The following IL1RAPL1 variants were observed in gnomAD, a reference collection of about 807,000 sequenced individuals.
IL1RAPL1 encodes interleukin-1 receptor accessory protein-like 1.
IL1RAPL1 carries 3 observed loss-of-function variants against 48.4 expected under a neutral mutation model. The observed-to-expected ratio is 0.06, with a 90% CI of 0.03 to 0.16. The LOEUF is 0.16. IL1RAPL1 is among the 10% of genes least tolerant of loss of function. IL1RAPL1 has a pLI of 1.00. For synonymous variants in IL1RAPL1, 185 were observed against 187.7 expected (o/e 0.99, Z 0.12); for missense variants, 349 against 530.6 (o/e 0.66, Z 3.36).
chrX:29,256,259 T>A (rs5985829), intron 2 of IL1RAPL1, among the ~76,000 whole-genome samples: 13,111 of 111,305 alleles, frequency 0.12, 784 homozygotes, highest in Non-Finnish European at 0.17. Context: ...ATTGCTTGAT[T>A]AATTAATTTA....
At chrX:29,369,740 G>A (rs1474239314) in intron 3 of IL1RAPL1, 3 of 112,072 alleles carry the variant, frequency 2.7e-5, no homozygotes, top group African/African-American at 9.7e-5. Context: ...CTTAGCTCAG[G>A]AGAAGGTGGA....
At chrX:29,837,244 T>C (rs1208254799) in intron 6 of IL1RAPL1, among the ~76,000 whole-genome samples, 1 of 76,178 alleles carries the variant, frequency 1.3e-5, no homozygotes, top group Non-Finnish European at 2.3e-5. Flanking sequence ...GCCTCAGCGA[T>C]AGAGACTGCA....
At chrX:28,861,062 A>G (rs959590764) in intron 2 of IL1RAPL1, among the ~76,000 whole-genome samples, 5 of 111,476 alleles carry the variant, frequency 4.5e-5, no homozygotes, top group Non-Finnish European at 9.4e-5. Context: ...TACTACTGAA[A>G]AAATAGATTT....
intron 5 of IL1RAPL1, among the ~76,000 whole-genome samples, chrX:29,552,221 T>A (rs1472223675): frequency 1.8e-5 from 2 of 111,604 alleles, no homozygotes; most frequent in Non-Finnish European, 3.8e-5. Context: ...TGTTGTTGGG[T>A]CATTCTCCTG....
intron 1 of IL1RAPL1, among the ~76,000 whole-genome samples, chrX:28,633,103 G>T (rs1934419035): frequency 9.0e-6 from 1 of 110,563 alleles, no homozygotes; most frequent in African/African-American, 3.3e-5. Flanking sequence ...TGGCCAGAAT[G>T]GTCTCGAACT....
In IL1RAPL1 at chrX:29,862,659, TA is replaced by T. The variant is rs202178342; in HGVS notation, c.779-54804del. 8.8e-3 allele frequency among the ~76,000 whole-genome samples: 982 copies of T among 111,601 alleles called. 14 individuals are homozygous for T. Among genetic ancestry groups the T allele is most frequent in the African/African-American group, 0.031 (940 of 30,687 alleles). ...CGCAGCCTAATTTTCATTTTATTAT[TA>T]TTTTTTTTCTTTTCGTAAAGCATCT... is the stretch of plus-strand genomic sequence containing the variant. On this transcript the variant is annotated intron_variant, in intron 6 of 10. Coordinates refer to ENST00000378993, the MANE Select transcript of IL1RAPL1 (RefSeq NM_014271.4).
At chrX:28,818,167 T>C (rs556360896) in intron 2 of IL1RAPL1, among the ~76,000 whole-genome samples, 24 of 111,112 alleles carry the variant, frequency 2.2e-4, no homozygotes, top group Middle Eastern at 4.6e-3. Flanking sequence ...ACTTTTTACC[T>C]ATTTGGAACT....
rs910792201 is a variant in IL1RAPL1 at position 29,113,625 on chromosome X, G to A, written c.83-169313G>A. 2.7e-5 allele frequency among the ~76,000 whole-genome samples: 3 copies of A among 111,545 alleles called. No homozygotes were observed. The Admixed American group carries it at 2.9e-4, about 11-fold the overall frequency. On this transcript the variant is annotated intron_variant, in intron 2 of 10. Coordinates refer to ENST00000378993, the MANE Select transcript of IL1RAPL1 (RefSeq NM_014271.4). ...ATCACTTTTGTTGGATTTATTCCTA[G>A]AGATTCTGCTTTTTTGCTACTATTA...
intron 5 of IL1RAPL1, among the ~76,000 whole-genome samples, chrX:29,505,343 G>A (rs1453228502): frequency 1.8e-5 from 2 of 109,947 alleles, no homozygotes; most frequent in Non-Finnish European, 3.8e-5. Context: ...TTTACCAGTG[G>A]GTTTTACACC....
At chrX:28,592,212 C>G (rs920464547) in intron 1 of IL1RAPL1, among the ~76,000 whole-genome samples, 5 of 111,590 alleles carry the variant, frequency 4.5e-5, no homozygotes, top group Admixed American at 2.9e-4. Context: ...ACAGTGGTAA[C>G]TAAGGGTTTT....
At chrX:29,643,211 C>T (rs1192483694) in intron 5 of IL1RAPL1, among the ~76,000 whole-genome samples, 1 of 111,984 alleles carries the variant, frequency 8.9e-6, no homozygotes, top group Non-Finnish European at 1.9e-5. Context: ...AAAATGGCTT[C>T]AAAGTCACAC....
chrX:29,779,187 A>G (rs1015791989), intron 6 of IL1RAPL1, among the ~76,000 whole-genome samples: 1 of 111,842 alleles, frequency 8.9e-6, no homozygotes, highest in Non-Finnish European at 1.9e-5. Context: ...GATGTCTACA[A>G]ATGTCCAAAT....
chrX:29,129,290 G>C (rs939509614), intron 2 of IL1RAPL1, among the ~76,000 whole-genome samples: 65 of 110,932 alleles, frequency 5.9e-4, no homozygotes, highest in Non-Finnish European at 8.9e-4. Flanking sequence ...TGATCCCCCT[G>C]CCTCGGCCTC....
chrX:29,121,573 C>A (rs1156297671), intron 2 of IL1RAPL1, among the ~76,000 whole-genome samples: 1 of 110,811 alleles, frequency 9.0e-6, no homozygotes, highest in African/African-American at 3.3e-5. Flanking sequence ...TGCAGAAAAC[C>A]CTAAAGAATT....
At chrX:29,506,472 ATTC>A (rs753745778) in intron 5 of IL1RAPL1, among the ~76,000 whole-genome samples, 67 of 50,573 alleles carry the variant, frequency 1.3e-3, no homozygotes, top group African/African-American at 5.2e-3. Context: ...CCTCCTTCTC[ATTC>A]TTCTTCTTCT....
chrX:29,926,683 G>A (rs941517013), intron 8 of IL1RAPL1, among the ~76,000 whole-genome samples: 4 of 111,346 alleles, frequency 3.6e-5, no homozygotes, highest in Admixed American at 2.9e-4. Flanking sequence ...ATTCTTTGTC[G>A]TTGTGGGGGC....
rs757555760 is a variant in IL1RAPL1 at position 29,885,144 on chromosome X, G to T, written c.779-32320G>T. ...ACATGCCAAGCACACTTCCTTCTTA[G>T]ACCTTTGTACTCACTGCCTGCAATG... On this transcript the variant is annotated intron_variant, in intron 6 of 10. Coordinates refer to ENST00000378993, the MANE Select transcript of IL1RAPL1 (RefSeq NM_014271.4). Among the ~76,000 whole-genome samples the T allele has an allele frequency of 9.9e-5, 11 of 111,452 alleles. No homozygotes were observed. The South Asian group carries it at 4.1e-3, about 42-fold the overall frequency.
At chrX:28,991,204 G>A (rs770680132) in intron 2 of IL1RAPL1, among the ~76,000 whole-genome samples, 8 of 111,755 alleles carry the variant, frequency 7.2e-5, no homozygotes, top group Admixed American at 1.9e-4. Flanking sequence ...TTGTGTTTGT[G>A]TATGAGAGCA....
intron 5 of IL1RAPL1, among the ~76,000 whole-genome samples, chrX:29,640,969 A>G (rs1221190177): frequency 9.1e-6 from 1 of 109,436 alleles, no homozygotes; most frequent in Non-Finnish European, 1.9e-5. Context: ...TTTTGAGATG[A>G]GCCTGGGTCA....
Sources: allele counts gnomAD v4.1 joint callset (sites outside exome capture counted in the v4.1 genomes callset), GRCh38; gene constraint gnomAD v4.1.1; transcripts MANE v1.5; gene names NCBI Gene and HGNC (gene_info 2026-07-23, HGNC 2026-07-21).